ZCCHC17: variants seen among roughly 807,000 people sequenced by gnomAD.
ZCCHC17 encodes zinc finger CCHC-type containing 17.
Under a neutral mutation model 30.6 loss-of-function variants are expected in ZCCHC17, and 18 were observed. The observed-to-expected ratio is 0.59, with a 90% confidence interval of 0.41 to 0.87. The LOEUF is 0.87. Among genes scored for constraint, ZCCHC17 ranks in the 40% least tolerant of loss-of-function variants. The pLI is 0.00. For synonymous variants in ZCCHC17, 88 were observed against 92.4 expected (o/e 0.95, Z 0.27); for missense variants, 263 against 284.2 (o/e 0.93, Z 0.54).
chr1:31,354,012 G>T (rs1639557056), intron 7 of ZCCHC17, among the ~76,000 whole-genome samples: 1 of 152,136 alleles, frequency 6.6e-6, no homozygotes. Context: ...GATAGAGATT[G>T]CATTTAATCT....
chr1:31,346,718 C>T lies in ZCCHC17; in HGVS notation c.396C>T (p.Thr132=), dbSNP rs1371973179. Residue 132 remains threonine (T), a synonymous_variant, in exon 6 of 8, where the codon ACC becomes ACT. Transcript: ENST00000344147. ...KITLEAVLNT[T]CKKCGCKGHF... ...CCCTTGAGGCTGTCTTGAACACTACCTGCAAGAAGTGTGGCTGTAAAGGTA... is the reference window on the plus strand; with the variant it reads ...CCCTTGAGGCTGTCTTGAACACTACTTGCAAGAAGTGTGGCTGTAAAGGTA... 1 of 1,614,152 alleles carries T rather than the reference C, an allele frequency of 6.2e-7. No individual in the cohort carries two copies. Among genetic ancestry groups the T allele is most frequent in the Admixed American group, 1.7e-5 (1 of 60,006 alleles).
intron 6 of ZCCHC17, among the ~76,000 whole-genome samples, chr1:31,348,204 T>A (rs1454029000): frequency 6.6e-6 from 1 of 152,214 alleles, no homozygotes; most frequent in Admixed American, 6.5e-5. Context: ...AGACCCAGGA[T>A]AAGTTTGAAC....
At chr1:31,312,338 T>G (rs961682578) in intron 2 of ZCCHC17, among the ~76,000 whole-genome samples, 2 of 152,212 alleles carry the variant, frequency 1.3e-5, no homozygotes, top group Non-Finnish European at 2.9e-5. Context: ...GGCTGAGTTG[T>G]GTCTGTTTTG....
At chr1:31,331,195 GC>G in intron 3 of ZCCHC17, among the ~76,000 whole-genome samples, 1 of 151,738 alleles carries the variant, frequency 6.6e-6, no homozygotes, top group East Asian at 1.9e-4. Flanking sequence ...TGGCTGGAGT[GC>G]ATTTGCATGA....
chr1:31,309,958 C>A, intron 1 of ZCCHC17, 86 bp from the exon 2 acceptor site: 1 of 722,128 alleles, frequency 1.4e-6, no homozygotes, highest in Non-Finnish European at 2.4e-6. Flanking sequence ...TGGTATTATT[C>A]TGTAGAGAAT....
At chr1:31,346,581 G>T in intron 5 of ZCCHC17, 59 bp from the exon 6 acceptor site, 2 of 1,510,766 alleles carry the variant, frequency 1.3e-6, no homozygotes, top group Non-Finnish European at 1.8e-6. Flanking sequence ...ACCTTACCTT[G>T]TAGTATCTCT....
chr1:31,324,616 C>G (rs1218419072), intron 3 of ZCCHC17, among the ~76,000 whole-genome samples: 1 of 152,248 alleles, frequency 6.6e-6, no homozygotes, highest in African/African-American at 2.4e-5. Flanking sequence ...CGAAGCTGAG[C>G]CTGGGCACTA....
chr1:31,323,361 G>T (rs1212429946), intron 3 of ZCCHC17, among the ~76,000 whole-genome samples: 1 of 151,156 alleles, frequency 6.6e-6, no homozygotes, highest in Non-Finnish European at 1.5e-5. Flanking sequence ...TTGCTCTGTT[G>T]CCCAGGCTGG....
intron 7 of ZCCHC17, among the ~76,000 whole-genome samples, chr1:31,353,737 A>G (rs1314355587): frequency 6.6e-6 from 1 of 152,206 alleles, no homozygotes; most frequent in Non-Finnish European, 1.5e-5. Context: ...TAGGTTGAAA[A>G]GACTGTCCTT....
chr1:31,311,963 TCTG>T (rs1646615779), intron 2 of ZCCHC17, among the ~76,000 whole-genome samples: 1 of 152,202 alleles, frequency 6.6e-6, no homozygotes, highest in South Asian at 2.1e-4. Context: ...CTCCATTCCT[TCTG>T]CTGTGTGAAG....
Position 31,310,079 on chromosome 1 carries a change from G to A in ZCCHC17, c.-20G>A. On this transcript the variant is annotated 5_prime_UTR_variant, in exon 2 of 8. Transcript: ENST00000344147. ...TTAGCTTTAATAGAAGAGAAATGGA[G>A]GAGCCATAGAATATTAAGGATGAAT... is the stretch of plus-strand genomic sequence containing the variant. 6.2e-7 allele frequency: 1 copy of A among 1,612,842 alleles called. No homozygotes were observed. Among genetic ancestry groups the A allele is most frequent in the Non-Finnish European group, 8.5e-7 (1 of 1,179,396 alleles).
intron 3 of ZCCHC17, among the ~76,000 whole-genome samples, chr1:31,323,157 A>G (rs186962480): frequency 3.9e-5 from 6 of 152,352 alleles, no homozygotes; most frequent in Admixed American, 2.6e-4. Context: ...GAATAGTCCA[A>G]GCGTTTTAGG....
intron 3 of ZCCHC17, among the ~76,000 whole-genome samples, chr1:31,336,920 C>T (rs188642346): frequency 4.6e-5 from 7 of 151,854 alleles, no homozygotes; most frequent in South Asian, 2.1e-4. Flanking sequence ...GCAATCTGCC[C>T]GCCTCAGCCT....
At chr1:31,298,378 T>G (rs993369742) in intron 1 of ZCCHC17, among the ~76,000 whole-genome samples, 4 of 26,328 alleles carry the variant, frequency 1.5e-4, no homozygotes, top group African/African-American at 5.3e-4. Flanking sequence ...TAGAGACCAG[T>G]TTTTTTTTGT....
intron 1 of ZCCHC17, among the ~76,000 whole-genome samples, chr1:31,300,798 T>C (rs1260413736): frequency 6.6e-6 from 1 of 151,938 alleles, no homozygotes. Flanking sequence ...CAGCTGGGCA[T>C]GGTGGTGTGT....
chr1:31,341,977 G>A (rs1204525855), intron 5 of ZCCHC17, among the ~76,000 whole-genome samples: 2 of 152,110 alleles, frequency 1.3e-5, no homozygotes, highest in African/African-American at 4.8e-5. Flanking sequence ...GAAAGAGTGT[G>A]TGTGTAAGAC....
chr1:31,338,812 T>C (rs1638920383), intron 4 of ZCCHC17, 145 bp from the exon 5 acceptor site: 1 of 551,396 alleles, frequency 1.8e-6, no homozygotes. Flanking sequence ...CTGTTATGCT[T>C]ATTTGTATCT....
At chr1:31,333,188 C>T (rs1213898035) in intron 3 of ZCCHC17, 1 of 151,662 alleles carries the variant, frequency 6.6e-6, no homozygotes, top group Admixed American at 6.6e-5. Flanking sequence ...GCTACCTGTA[C>T]CAAAAATAAA....
chr1:31,356,784 G>A (rs1213753502), intron 7 of ZCCHC17, among the ~76,000 whole-genome samples: 1 of 152,218 alleles, frequency 6.6e-6, no homozygotes, highest in Non-Finnish European at 1.5e-5. Flanking sequence ...TGATTTAGTT[G>A]TGTGCATCTG....
Sources: gnomAD v4.1 joint callset for allele counts (sites outside exome capture counted in the v4.1 genomes callset) on GRCh38, gnomAD v4.1.1 for gene constraint, MANE v1.5 for transcripts, NCBI Gene and HGNC (gene_info 2026-07-23, HGNC 2026-07-21) for gene names.